Variants in UCN3 observed in about 807,000 individuals in gnomAD.
The protein encoded by UCN3 is urocortin 3, also known as urocortin-3.
In UCN3, 3 loss-of-function variants were observed where a neutral mutation model predicts 3.6. That is an observed-to-expected ratio of 0.83 (90% CI 0.38 to 2.15). The LOEUF is 2.15. Among genes scored for constraint, UCN3 ranks in the 30% most tolerant of loss-of-function variants. The probability of loss-of-function intolerance (pLI) is 0.06; values close to 1 mark genes in which losing one functional copy is unlikely to be tolerated. For missense variants in UCN3, 206 were observed against 208.3 expected (o/e 0.99, Z 0.07); for synonymous variants, 100 against 93.2 (o/e 1.07, Z -0.42).
At chr10:5,372,080 T>C (rs781813279) in intron 1 of UCN3, among the ~76,000 whole-genome samples, 18 of 152,192 alleles carry the variant, frequency 1.2e-4, no homozygotes, top group Non-Finnish European at 1.6e-4. Context: ...GGTGTTTAGA[T>C]AACACTCCGG....
rs1554810678 is a variant in UCN3 at position 5,366,015 on chromosome 10, ATTTTTAAAACG to A, written c.-7+790_-7+800del. The stretch of plus-strand genomic sequence containing the variant: ...ACCTACCAAAAATAACAAATGTGAG[ATTTTTAAAACG>A]TTTTAAGTGGTCTAGTTTCAGTTTA... On this transcript the variant is annotated intron_variant, in intron 1 of 1. Coordinates refer to ENST00000380433, the MANE Select transcript of UCN3 (RefSeq NM_053049.4). The surrounding 1 kb of genome is among the most constrained non-coding windows in gnomAD (Gnocchi z 4.2). Among the ~76,000 whole-genome samples, 1 of 152,184 alleles carries A rather than the reference ATTTTTAAAACG, an allele frequency of 6.6e-6. No individual in the cohort carries two copies. The highest frequency in any genetic ancestry group is 2.4e-5 in the African/African-American group (1 of 41,430).
At chr10:5,371,951 C>T (rs984708699) in intron 1 of UCN3, among the ~76,000 whole-genome samples, 1 of 152,156 alleles carries the variant, frequency 6.6e-6, no homozygotes, top group Non-Finnish European at 1.5e-5. Flanking sequence ...ATAGCAGAGC[C>T]TTTCACTGCT....
rs1410864532 is a variant in UCN3 at position 5,370,003 on chromosome 10, GTGTA to G, written c.-6-3708_-6-3705del. On this transcript the variant is annotated intron_variant, in intron 1 of 1. Transcript: ENST00000380433. Reference sequence around the variant, plus strand: ...CGTGTGTATATGTGTGTATGTGTGTGTGTATGTGTGTGTATATGTGTGTGTATAT... The same window carrying G: ...CGTGTGTATATGTGTGTATGTGTGTGTGTGTGTGTATATGTGTGTGTATAT... Among the ~76,000 whole-genome samples the G allele has an allele frequency of 4.6e-5, 3 of 65,484 alleles. 1 individual carries two copies. Among genetic ancestry groups the G allele is most frequent in the Non-Finnish European group, 1.0e-4 (3 of 29,938 alleles). The allele number at this position is 65,484 out of a possible 152,430, so 43.0% of individuals were successfully genotyped here.
rs781842972 is a variant in UCN3 at position 5,373,942 on chromosome 10, G to A, written c.222G>A (p.Glu74=). 2.5e-6 allele frequency: 4 copies of A among 1,611,604 alleles called. No individual in the cohort carries two copies. Among genetic ancestry groups the A allele is most frequent in the Non-Finnish European group, 2.5e-6 (3 of 1,178,910 alleles). ...SRDASSGEEE[E]GKEKKTFPIS... The stretch of plus-strand genomic sequence containing the variant: ...ACGCCTCTTCGGGAGAGGAGGAGGA[G>A]GGCAAAGAGAAAAAGACTTTCCCCA... Residue 74 remains glutamate (E), a synonymous_variant, in exon 2 of 2, where the codon GAG becomes GAA. Coordinates refer to ENST00000380433, the MANE Select transcript of UCN3 (RefSeq NM_053049.4).
chr10:5,370,711 GATGTGTGTGTAT>G (rs1175805298), intron 1 of UCN3, among the ~76,000 whole-genome samples: 3 of 65,016 alleles, frequency 4.6e-5, no homozygotes, highest in Non-Finnish European at 8.4e-5. Flanking sequence ...GTGTGTATAT[GATGTGTGTGTAT>G]ATGCGTGTGT....
intron 1 of UCN3, among the ~76,000 whole-genome samples, chr10:5,370,715 TGTGTGTATATGC>T (rs1229771690): frequency 2.1e-4 from 21 of 99,976 alleles, no homozygotes; most frequent in Non-Finnish European, 3.1e-4. Context: ...GTATATGATG[TGTGTGTATATGC>T]GTGTGTATAT....
In UCN3 at chr10:5,365,450, G is replaced by A. The variant is rs996287180; in HGVS notation, c.-7+220G>A. The stretch of plus-strand genomic sequence containing the variant: ...CAGGGAGGCACAATCACATTCCCAC[G>A]TTGGTATAGAGAGACCCTCTTTCCA... On this transcript the variant is annotated intron_variant, in intron 1 of 1. Coordinates refer to ENST00000380433, the MANE Select transcript of UCN3 (RefSeq NM_053049.4). This position sits in a 1 kb window ranked among gnomAD's most constrained non-coding sequence, Gnocchi z 4.4. Among the ~76,000 whole-genome samples, 3 of 152,212 alleles carry A rather than the reference G, an allele frequency of 2.0e-5. No individual in the cohort carries two copies. The highest frequency in any genetic ancestry group is 6.5e-5 in the Admixed American group (1 of 15,286).
chr10:5,366,597 G>A lies in UCN3; in HGVS notation c.-7+1367G>A, dbSNP rs1408657663. On this transcript the variant is annotated intron_variant, in intron 1 of 1. Coordinates refer to ENST00000380433, the MANE Select transcript of UCN3 (RefSeq NM_053049.4). This position sits in a 1 kb window ranked among gnomAD's most constrained non-coding sequence, Gnocchi z 4.2. ...ATCTAAACAGATCCTAAAAAGAAAA[G>A]TCCTGGAAAGAAATCTGAATCTACC... Among the ~76,000 whole-genome samples, 1 of 152,150 alleles carries A rather than the reference G, an allele frequency of 6.6e-6. No homozygotes were observed. Among genetic ancestry groups the A allele is most frequent in the Admixed American group, 6.5e-5 (1 of 15,274 alleles).
rs1189932439 is a variant in UCN3 at position 5,369,883 on chromosome 10, GTA to G, written c.-6-3828_-6-3827del. Among the ~76,000 whole-genome samples the G allele has an allele frequency of 1.1e-4, 11 of 99,474 alleles. 1 individual carries two copies. The highest frequency in any genetic ancestry group is 3.1e-4 in the African/African-American group (10 of 31,928). 65.3% of individuals were successfully genotyped at this position (99,474 alleles called of 152,430 possible). A position where few individuals can be genotyped will look rare whatever the true frequency, so the allele number is the denominator to read the frequency against. On this transcript the variant is annotated intron_variant, in intron 1 of 1. Coordinates refer to ENST00000380433, the MANE Select transcript of UCN3 (RefSeq NM_053049.4). ...CGTGGGTGTGTGTGTATATGTGTGTGTATATGTGTGTGTGTATATGTGTGTGT... is the reference window on the plus strand; with the variant it reads ...CGTGGGTGTGTGTGTATATGTGTGTGTATGTGTGTGTGTATATGTGTGTGT...
At chr10:5,371,633 C>G (rs541282823) in intron 1 of UCN3, among the ~76,000 whole-genome samples, 12 of 152,220 alleles carry the variant, frequency 7.9e-5, no homozygotes, top group Non-Finnish European at 1.6e-4. Context: ...CAAGGCCACA[C>G]TGATGAGGAG....
chr10:5,370,197 GTATA>G (rs1314527449), intron 1 of UCN3, among the ~76,000 whole-genome samples: 1 of 67,506 alleles, frequency 1.5e-5, no homozygotes, highest in East Asian at 7.0e-4. Flanking sequence ...ATATGCGTGT[GTATA>G]TGCGTGTGTA....
rs1165423819 is a variant in UCN3 at position 5,367,316 on chromosome 10, C to CA, written c.-7+2092dup. On this transcript the variant is annotated intron_variant, in intron 1 of 1. Transcript: ENST00000380433. The surrounding 1 kb of genome is among the most constrained non-coding windows in gnomAD (Gnocchi z 4.3). ...TGATTTCATAATTAAAAAACAAAAC[C>CA]AAAAAAGTATGCCATATAAAAGATT... Among the ~76,000 whole-genome samples, 20 of 152,028 alleles carry CA rather than the reference C, an allele frequency of 1.3e-4. No homozygotes were observed. The highest frequency in any genetic ancestry group is 4.1e-4 in the African/African-American group (17 of 41,398).
intron 1 of UCN3, among the ~76,000 whole-genome samples, chr10:5,370,147 GTGTATA>G (rs1831341609): frequency 1.3e-5 from 1 of 74,732 alleles, no homozygotes; most frequent in Non-Finnish European, 2.7e-5. Context: ...GTGTATGCGT[GTGTATA>G]TGTGTGTGTA....
rs1588397763 is a variant in UCN3 at position 5,366,865 on chromosome 10, TCTG to T, written c.-7+1638_-7+1640del. ...CTGAGGGTTTGCAGAGAGAGAAAGG[TCTG>T]CTACCTGCAGATGCACCAAGAACAG... On this transcript the variant is annotated intron_variant, in intron 1 of 1. Transcript: ENST00000380433. This position sits in a 1 kb window ranked among gnomAD's most constrained non-coding sequence, Gnocchi z 4.2. Among the ~76,000 whole-genome samples the T allele has an allele frequency of 1.3e-5, 2 of 152,238 alleles. No individual in the cohort carries two copies. The highest frequency in any genetic ancestry group is 3.9e-4 in the East Asian group (2 of 5,174).
At chr10:5,369,925 ATG>A (rs200059976) in intron 1 of UCN3, among the ~76,000 whole-genome samples, 6,233 of 54,878 alleles carry the variant, frequency 0.11, 1,206 homozygotes, top group East Asian at 0.27. Flanking sequence ...ATGTGTGTGT[ATG>A]TGTGTGTGTG....
rs797044395 is a variant in UCN3, at chr10:5,370,875, GTGTA to G, written c.-6-2838_-6-2835del. Among the ~76,000 whole-genome samples, 118 of 119,452 alleles carry G rather than the reference GTGTA, an allele frequency of 9.9e-4. 9 individuals are homozygous for G. Among genetic ancestry groups the G allele is most frequent in the South Asian group, 4.4e-3 (14 of 3,190 alleles). 78.4% of individuals were successfully genotyped at this position (119,452 alleles called of 152,430 possible). On this transcript the variant is annotated intron_variant, in intron 1 of 1. Coordinates refer to ENST00000380433, the MANE Select transcript of UCN3 (RefSeq NM_053049.4). ...CGCGTGTGTGTGCGTGTGTATGTGTGTGTATATGCGTGTGTATATGCGTGTGTAT... is the reference window on the plus strand; with the variant it reads ...CGCGTGTGTGTGCGTGTGTATGTGTGTATGCGTGTGTATATGCGTGTGTAT...
At chr10:5,371,018 TATAC>T (rs1482994019) in intron 1 of UCN3, among the ~76,000 whole-genome samples, 6 of 149,410 alleles carry the variant, frequency 4.0e-5, no homozygotes, top group African/African-American at 1.5e-4. Context: ...TGTGCATATA[TATAC>T]GTGTGTGCAT....
Position 5,374,289 on chromosome 10 carries a change from A to AGGGGAGGGGGG in UCN3, c.*86_*87insGAGGGGGGGGG, listed in dbSNP as rs1831475084. 2.2e-6 allele frequency: 1 copy of AGGGGAGGGGGG among 463,274 alleles called. No individual in the cohort carries two copies. The highest frequency in any genetic ancestry group is 2.7e-5 in the African/African-American group (1 of 37,514). 28.7% of individuals were successfully genotyped at this position (463,274 alleles called of 1,614,324 possible). The stretch of plus-strand genomic sequence containing the variant: ...AGGGCGAGGGGGGGAGGGGAGGGGG[A>AGGGGAGGGGGG]GGGTGCTGTCTGCTGGTTTGTGTTT... On this transcript the variant is annotated 3_prime_UTR_variant, in exon 2 of 2. Transcript: ENST00000380433.
Position 5,373,782 on chromosome 10 carries a change from GC to G in UCN3, c.64del (p.Leu22SerfsTer33), listed in dbSNP as rs1554811762. 6.2e-7 allele frequency: 1 copy of G among 1,613,754 alleles called. No homozygotes were observed. Among genetic ancestry groups the G allele is most frequent in the Non-Finnish European group, 8.5e-7 (1 of 1,179,922 alleles). ...LLLLLGGPRTGLPHKFYKAKP... is the reference protein window; with the variant it reads ...LLLLLGGPRTXLPHKFYKAKP... ...CTGCTCCTGGGGGGCCCCAGGACAG[GC>G]CTCCCCCACAAGTTCTACAAAGCCA... On this transcript the variant is annotated frameshift_variant, in exon 2 of 2. Coordinates refer to ENST00000380433, the MANE Select transcript of UCN3 (RefSeq NM_053049.4). LOFTEE classifies it low-confidence loss of function (END_TRUNC).
Sources: allele counts gnomAD v4.1 joint callset (sites outside exome capture counted in the v4.1 genomes callset), GRCh38; gene constraint gnomAD v4.1.1; non-coding constraint Gnocchi (gnomAD v3.1); transcripts MANE v1.5; gene names NCBI Gene and HGNC (gene_info 2026-07-23, HGNC 2026-07-21).